ACSM2B: variants seen among roughly 807,000 people sequenced by gnomAD.
ACSM2B encodes acyl-CoA synthetase medium chain family member 2B.
In ACSM2B, 58 loss-of-function variants were observed where a neutral mutation model predicts 78.6. The observed-to-expected ratio is 0.74, with a 90% CI of 0.60 to 0.92. The LOEUF (loss-of-function observed/expected upper bound fraction) is 0.92. Ranked by LOEUF, ACSM2B falls within the 40% of genes least tolerant of loss-of-function variation. The pLI is 0.00. For missense variants in ACSM2B, 688 were observed against 711.2 expected, an observed-to-expected ratio of 0.97 and a Z score of 0.37; for synonymous variants, 257 against 256.8, an observed-to-expected ratio of 1.00 and a Z score of -0.01.
At chr16:20,569,288 C>T (rs1267940820) in intron 1 of ACSM2B, among the ~76,000 whole-genome samples, 1 of 151,996 alleles carries the variant, frequency 6.6e-6, no homozygotes, top group African/African-American at 2.4e-5. Context: ...ATGTGGCTTG[C>T]CAATTATCCC....
In ACSM2B at chr16:20,566,750, C is replaced by CTGTATATATAG. The variant is rs1491549098; in HGVS notation, c.-8-1898_-8-1897insCTATATATACA. 0.037 allele frequency among the ~76,000 whole-genome samples: 1,561 copies of CTGTATATATAG among 42,434 alleles called. 247 individuals are homozygous for CTGTATATATAG. The East Asian group carries it at 0.42, about 11-fold the overall frequency. The allele number at this position is 42,434 out of a possible 152,430, so 27.8% of individuals were successfully genotyped here. ...CTATATATAGTATATACTATATATA[C>CTGTATATATAG]TATATATAGTATATATAGATATATA... On this transcript the variant is annotated intron_variant, in intron 1 of 13. Coordinates refer to ENST00000329697, the MANE Select transcript of ACSM2B (RefSeq NM_001105069.2).
intron 1 of ACSM2B, among the ~76,000 whole-genome samples, chr16:20,565,705 T>C (rs2015804972): frequency 6.6e-6 from 1 of 152,098 alleles, no homozygotes; most frequent in Non-Finnish European, 1.5e-5. Context: ...TTATTGGTGA[T>C]TTGTGACATT....
Position 20,536,791 on chromosome 16 carries a change from C to G in ACSM2B, c.*467G>C, listed in dbSNP as rs1485306486. 2 of 151,486 alleles carry G rather than the reference C, an allele frequency of 1.3e-5. No homozygotes were observed. 9.4% of individuals were successfully genotyped at this position (151,486 alleles called of 1,614,324 possible). A position where few individuals can be genotyped will look rare whatever the true frequency, so the allele number is the denominator to read the frequency against. On this transcript the variant is annotated 3_prime_UTR_variant, in exon 14 of 14. Transcript: ENST00000329697. ...TCCCTTTCTCCCTCTCTTTCTCCCTCTCTTTCTTTCTTGTGTTCTTTTGCT... is the reference window on the plus strand; with the variant it reads ...TCCCTTTCTCCCTCTCTTTCTCCCTGTCTTTCTTTCTTGTGTTCTTTTGCT...
In ACSM2B at chr16:20,546,670, T is replaced by A. The variant is rs2015152277; in HGVS notation, c.1099-196A>T. ...CCTAGGGGCCTCACTAAATTGTTTG[T>A]TCAGGAAGCAACCCATCTACCACTC... On this transcript the variant is annotated intron_variant, in intron 8 of 13. Transcript: ENST00000329697. The A allele has an allele frequency of 7.8e-6, 8 of 1,029,252 alleles. No individual in the cohort carries two copies. The South Asian group carries it at 2.2e-4, about 29-fold the overall frequency. The allele number at this position is 1,029,252 out of a possible 1,614,324, so 63.8% of individuals were successfully genotyped here.
chr16:20,543,656 T>C (rs1463256427), intron 10 of ACSM2B, among the ~76,000 whole-genome samples: 1 of 152,206 alleles, frequency 6.6e-6, no homozygotes, highest in East Asian at 1.9e-4. Context: ...TCTTTGTAAA[T>C]TTGAAAGTTC....
chr16:20,538,819 C>T (rs2014912625), intron 13 of ACSM2B, among the ~76,000 whole-genome samples: 5 of 152,082 alleles, frequency 3.3e-5, no homozygotes, highest in Non-Finnish European at 5.9e-5. Flanking sequence ...ATGTTGAACC[C>T]GACAGTCTGA....
At chr16:20,550,629 T>A (rs946927527) in intron 6 of ACSM2B, among the ~76,000 whole-genome samples, 2 of 152,192 alleles carry the variant, frequency 1.3e-5, no homozygotes, top group African/African-American at 4.8e-5. Context: ...CACCTGGCTT[T>A]TTGACTTTTG....
At chr16:20,544,207 C>T (rs917052846) in intron 10 of ACSM2B, among the ~76,000 whole-genome samples, 13 of 152,206 alleles carry the variant, frequency 8.5e-5, no homozygotes, top group African/African-American at 1.7e-4. Flanking sequence ...CTGCCCTGAT[C>T]GCTGAAGCTC....
intron 1 of ACSM2B, among the ~76,000 whole-genome samples, chr16:20,567,481 G>T (rs1330176205): frequency 4.9e-5 from 4 of 82,252 alleles, no homozygotes; most frequent in Non-Finnish European, 6.1e-5. Context: ...TAGTATAACA[G>T]TATATATAAA....
At chr16:20,557,986 C>T (rs1363481865) in intron 3 of ACSM2B, among the ~76,000 whole-genome samples, 2 of 152,264 alleles carry the variant, frequency 1.3e-5, no homozygotes, top group African/African-American at 4.8e-5. Context: ...ATAATAGCTC[C>T]CTCCTGAAAC....
At position 20,555,613 on chromosome 16, in the gene ACSM2B, A is replaced by T. The variant is rs916638559; in HGVS notation, c.389-137T>A. On this transcript the variant is annotated intron_variant, in intron 3 of 13. Coordinates refer to ENST00000329697, the MANE Select transcript of ACSM2B (RefSeq NM_001105069.2). ...TAATGACCAATGGAGAACGTCAATA[A>T]AAAAGGGGACTAAGGACTAGGGAGT... 1.0e-5 allele frequency: 15 copies of T among 1,473,266 alleles called. No individual in the cohort carries two copies. The Admixed American group carries it at 1.5e-4, about 15-fold the overall frequency. 91.3% of individuals were successfully genotyped at this position (1,473,266 alleles called of 1,614,324 possible). A position where few individuals can be genotyped will look rare whatever the true frequency, so the allele number is the denominator to read the frequency against.
At chr16:20,570,167 C>G (rs2016054204) in intron 1 of ACSM2B, among the ~76,000 whole-genome samples, 1 of 151,788 alleles carries the variant, frequency 6.6e-6, no homozygotes, top group Non-Finnish European at 1.5e-5. Flanking sequence ...TTCAACTTTT[C>G]CCCATTCACT....
chr16:20,550,583 T>C (rs1172936167), intron 6 of ACSM2B, among the ~76,000 whole-genome samples: 1 of 152,162 alleles, frequency 6.6e-6, no homozygotes, highest in Admixed American at 6.5e-5. Context: ...AATGACAGTA[T>C]TATTTGAAGA....
chr16:20,575,809 G>A (rs527979088), intron 1 of ACSM2B: 27 of 150,374 alleles, frequency 1.8e-4, no homozygotes, highest in Middle Eastern at 3.2e-3. Context: ...TTTTTCTATG[G>A]AATAAGAATT....
Position 20,537,225 on chromosome 16 carries a change from G to A in ACSM2B, c.*33C>T. 6.2e-7 allele frequency: 1 copy of A among 1,609,134 alleles called. No homozygotes were observed. Among genetic ancestry groups the A allele is most frequent in the Non-Finnish European group, 8.5e-7 (1 of 1,175,490 alleles). ...CCAAAGGGAAAAGAAAGAGAAAGAA[G>A]AGGGGAATCCAAATGAATGTCTCCT... On this transcript the variant is annotated 3_prime_UTR_variant, in exon 14 of 14. Transcript: ENST00000329697.
At chr16:20,554,473 C>T (rs2015409402) in intron 4 of ACSM2B, among the ~76,000 whole-genome samples, 1 of 152,192 alleles carries the variant, frequency 6.6e-6, no homozygotes, top group Non-Finnish European at 1.5e-5. Context: ...TGACAGCTAC[C>T]TTAAAGACCA....
intron 13 of ACSM2B, among the ~76,000 whole-genome samples, chr16:20,539,269 A>G (rs955863346): frequency 3.4e-4 from 32 of 95,170 alleles, no homozygotes; most frequent in Admixed American, 1.0e-3. Context: ...CTCTTTCCCC[A>G]TGGCCTGCTT....
At chr16:20,537,898 T>A (rs1343987087) in intron 13 of ACSM2B, among the ~76,000 whole-genome samples, 3 of 152,192 alleles carry the variant, frequency 2.0e-5, no homozygotes. Context: ...GGATACCTCA[T>A]TTTGAATTCC....
intron 3 of ACSM2B, 122 bp from the exon 4 acceptor site, chr16:20,555,598 T>A (rs1180593771): frequency 2.0e-6 from 3 of 1,497,946 alleles, no homozygotes; most frequent in Non-Finnish European, 1.8e-6. Flanking sequence ...TAATGACCAA[T>A]GGAGAACGTC....
Sources: gnomAD v4.1 joint callset for allele counts (sites outside exome capture counted in the v4.1 genomes callset) on GRCh38, gnomAD v4.1.1 for gene constraint, MANE v1.5 for transcripts, NCBI Gene and HGNC (gene_info 2026-07-23, HGNC 2026-07-21) for gene names.